RAF1: variants seen among roughly 807,000 people sequenced by gnomAD.
RAF1 encodes the protein RAF proto-oncogene serine/threonine-protein kinase.
RAF1 carries 27 observed loss-of-function variants against 81.1 expected under a neutral mutation model. The ratio of observed to expected loss-of-function variants is 0.33; its 90% confidence interval spans 0.25 to 0.46. RAF1 has a LOEUF of 0.46. Among genes scored for constraint, RAF1 ranks in the 20% least tolerant of loss-of-function variants. The pLI is 1.00. For synonymous variants in RAF1, 298 were observed against 294.0 expected, an observed-to-expected ratio of 1.01 and a Z score of -0.14; for missense variants, 598 against 826.0, an observed-to-expected ratio of 0.72 and a Z score of 3.38.
chr3:12,599,962 C>T (rs1026090676), intron 10 of RAF1, among the ~76,000 whole-genome samples, 154 bp from the exon 10 acceptor site: 72 of 152,154 alleles, frequency 4.7e-4, no homozygotes, highest in Admixed American at 2.0e-4. Context: ...TTGAGAAATA[C>T]CATTTTAGTT....
chr3:12,659,599 G>A (rs2060813996), intron 1 of RAF1, among the ~76,000 whole-genome samples: 1 of 150,938 alleles, frequency 6.6e-6, no homozygotes, highest in South Asian at 2.1e-4. Context: ...TAAACCCAGT[G>A]TTCTCTGATT....
Position 12,584,674 on chromosome 3 carries a change from G to A in RAF1, c.1864-17C>T, listed in dbSNP as rs745773290. ...AGACAGGATCTGAAACAAAGCCCAA[G>A]AATGCTCTCATTAGCTGTGTCTCAA... On this transcript the variant is annotated splice_polypyrimidine_tract_variant and intron_variant, in intron 17 of 17. Coordinates refer to ENST00000442415, the MANE Select transcript of RAF1 (RefSeq NM_001354689.3). 2.5e-6 allele frequency: 4 copies of A among 1,613,946 alleles called. No homozygotes were observed. The highest frequency in any genetic ancestry group is 1.7e-5 in the Admixed American group (1 of 60,000).
rs1402758219 is a variant in RAF1, at chr3:12,660,149, G to A, written c.-27+3664C>T. Among the ~76,000 whole-genome samples, 5 of 125,476 alleles carry A rather than the reference G, an allele frequency of 4.0e-5. No individual in the cohort carries two copies. In the East Asian group the frequency reaches 2.3e-3, roughly 57 times the overall value. The allele number at this position is 125,476 out of a possible 152,430, so 82.3% of individuals were successfully genotyped here. On this transcript the variant is annotated intron_variant, in intron 1 of 17. Transcript: ENST00000442415. The stretch of plus-strand genomic sequence containing the variant: ...TATAAACTAAAAGCTACTAGTCTAA[G>A]AGCAACTGTAATATAATACTTGATG...
At chr3:12,662,114 C>T (rs1331148406) in intron 1 of RAF1, among the ~76,000 whole-genome samples, 1 of 151,666 alleles carries the variant, frequency 6.6e-6, no homozygotes, top group Non-Finnish European at 1.5e-5. Context: ...GCAGGAGGAT[C>T]GCCTGAGCCC....
At chr3:12,646,253 A>C (rs1409498909) in intron 1 of RAF1, among the ~76,000 whole-genome samples, 1 of 152,178 alleles carries the variant, frequency 6.6e-6, no homozygotes, top group East Asian at 1.9e-4. Flanking sequence ...CAATCCTCCC[A>C]CCTCAGCCTC....
intron 1 of RAF1, among the ~76,000 whole-genome samples, chr3:12,661,769 T>G (rs2060884986): frequency 6.6e-6 from 1 of 152,118 alleles, no homozygotes; most frequent in African/African-American, 2.4e-5. Context: ...ATTTATAAAG[T>G]TAACATTTTT....
chr3:12,630,780 G>A (rs1399200637), intron 1 of RAF1, among the ~76,000 whole-genome samples: 2 of 152,172 alleles, frequency 1.3e-5, no homozygotes, highest in African/African-American at 2.4e-5. Context: ...TTGAGCAGAG[G>A]AAAGGCACAA....
At chr3:12,637,756 G>A (rs1033287998) in intron 1 of RAF1, among the ~76,000 whole-genome samples, 1 of 151,900 alleles carries the variant, frequency 6.6e-6, no homozygotes, top group African/African-American at 2.4e-5. Flanking sequence ...GGAAGGCTGA[G>A]GCAGGAAAAG....
intron 11 of RAF1, among the ~76,000 whole-genome samples, chr3:12,594,591 G>A (rs572956097): frequency 3.3e-5 from 5 of 152,214 alleles, no homozygotes; most frequent in East Asian, 1.9e-4. Context: ...CCTTGCAGTC[G>A]GCTGAACTTC....
intron 1 of RAF1, among the ~76,000 whole-genome samples, chr3:12,637,586 T>C (rs1261267769): frequency 6.6e-6 from 1 of 151,984 alleles, no homozygotes; most frequent in African/African-American, 2.4e-5. Flanking sequence ...AAAACACAAA[T>C]GGAGGCCGGG....
In RAF1 at chr3:12,607,949, C is replaced by A. The variant is rs1287388234; in HGVS notation, c.581+817G>T. ...CTAATGACAGAAAGAGACTTGTCTC[C>A]AAAAAAAAAAAAAAAAAAAAAAAAG... On this transcript the variant is annotated intron_variant, in intron 5 of 17. Transcript: ENST00000442415. 2.4e-4 allele frequency among the ~76,000 whole-genome samples: 16 copies of A among 66,850 alleles called. No homozygotes were observed. In the East Asian group the frequency reaches 2.9e-3, roughly 12 times the overall value. The allele number at this position is 66,850 out of a possible 152,430, so 43.9% of individuals were successfully genotyped here.
At chr3:12,585,312 C>T (rs2125323821) in intron 15 of RAF1, 59 bp from the exon 15 acceptor site, 1 of 1,608,928 alleles carries the variant, frequency 6.2e-7, no homozygotes, top group Non-Finnish European at 8.5e-7. Context: ...GCCTCACAGA[C>T]ATCTAGGGGC....
At chr3:12,639,613 T>C (rs2060125715) in intron 1 of RAF1, among the ~76,000 whole-genome samples, 2 of 152,034 alleles carry the variant, frequency 1.3e-5, no homozygotes, top group Admixed American at 1.3e-4. Flanking sequence ...GAGTGAACTC[T>C]CATTCACAAT....
chr3:12,616,468 T>C lies in RAF1; in HGVS notation c.207+2047A>G, dbSNP rs1041878684. On this transcript the variant is annotated intron_variant, in intron 2 of 17. Transcript: ENST00000442415. ...CAAATGGAAGACCATTGTTCAGATATAGGGGATTATTACTGCTTATTTTGC... is the reference window on the plus strand; with the variant it reads ...CAAATGGAAGACCATTGTTCAGATACAGGGGATTATTACTGCTTATTTTGC... Among the ~76,000 whole-genome samples, 4 of 152,254 alleles carry C rather than the reference T, an allele frequency of 2.6e-5. No homozygotes were observed. The East Asian group carries it at 5.8e-4, about 22-fold the overall frequency.
chr3:12,612,294 G>A (rs2059237225), intron 2 of RAF1, among the ~76,000 whole-genome samples: 2 of 152,268 alleles, frequency 1.3e-5, no homozygotes, highest in South Asian at 4.1e-4. Context: ...TGGATGGAGA[G>A]GAGTCCATGA....
chr3:12,645,744 A>T (rs749403877), intron 1 of RAF1, among the ~76,000 whole-genome samples: 5 of 151,618 alleles, frequency 3.3e-5, no homozygotes, highest in African/African-American at 4.8e-5. Flanking sequence ...TTTTTTGTAG[A>T]GGTGGGGTGG....
At chr3:12,652,959 T>TTTA (rs1559490380) in intron 1 of RAF1, among the ~76,000 whole-genome samples, 4 of 150,630 alleles carry the variant, frequency 2.7e-5, no homozygotes, top group Middle Eastern at 3.4e-3. Flanking sequence ...AAAATTTTTT[T>TTTA]AATTAAATAA....
At chr3:12,605,568 G>A (rs1011050568) in intron 6 of RAF1, among the ~76,000 whole-genome samples, 4 of 152,104 alleles carry the variant, frequency 2.6e-5, no homozygotes, top group Admixed American at 6.5e-5. Context: ...GTGAGCTACC[G>A]TGCCTGGCCT....
chr3:12,611,515 A>T (rs961228952), intron 3 of RAF1, among the ~76,000 whole-genome samples: 1 of 152,120 alleles, frequency 6.6e-6, no homozygotes, highest in Non-Finnish European at 1.5e-5. Context: ...CCTGGCTAAC[A>T]CGGTGAAACC....
Sources: gnomAD v4.1 joint callset for allele counts (sites outside exome capture counted in the v4.1 genomes callset) on GRCh38, gnomAD v4.1.1 for gene constraint, MANE v1.5 for transcripts, NCBI Gene and HGNC (gene_info 2026-07-23, HGNC 2026-07-21) for gene names.